The following MST1R variants were observed in gnomAD, a reference collection of about 807,000 sequenced individuals.
MST1R encodes the protein macrophage-stimulating protein receptor.
A neutral mutation model predicts 117.8 loss-of-function variants in MST1R; 99 were observed. That is an observed-to-expected ratio of 0.84 (90% CI 0.71 to 0.99). MST1R has a LOEUF of 0.99. Ranked by LOEUF, MST1R falls within the 50% of genes least tolerant of loss-of-function variation. MST1R has a pLI of 0.00. For missense variants in MST1R, 1,683 were observed against 1,840.2 expected (o/e 0.91, Z 1.56); for synonymous variants, 734 against 765.3 (o/e 0.96, Z 0.68).
rs745645623 is a variant in MST1R at position 49,902,567 on chromosome 3, C to T, written c.1043G>A (p.Gly348Glu). ...ACCATCCTTGCCAGTCACAAAGACC[C>T]CAAATAGTACTTCCTGGCCCTCGGC... Reference protein sequence around the residue: ...SIAEGQEVLFGVFVTGKDGGP... With the variant: ...SIAEGQEVLFEVFVTGKDGGP... Residue 348 changes from glycine to glutamate, a missense_variant, in exon 1 of 20, where the codon GGG (glycine) becomes GAG (glutamate). Coordinates refer to ENST00000296474, the MANE Select transcript of MST1R (RefSeq NM_002447.4). 5 of 1,613,838 alleles carry T rather than the reference C, an allele frequency of 3.1e-6. No homozygotes were observed. In the African/African-American group the frequency reaches 4.0e-5, roughly 13 times the overall value.
intron 19 of MST1R, among the ~76,000 whole-genome samples, chr3:49,888,163 G>A (rs1189053382): frequency 2.0e-5 from 3 of 152,178 alleles, no homozygotes; most frequent in South Asian, 2.1e-4. Flanking sequence ...AAAGCTGGGC[G>A]TGGTGGCTCA....
rs1208496017 is a variant in MST1R, at chr3:49,903,116, G to A, written c.494C>T (p.Ser165Leu). 2 of 1,605,088 alleles carry A rather than the reference G, an allele frequency of 1.2e-6. No individual in the cohort carries two copies. Among genetic ancestry groups the A allele is most frequent in the African/African-American group, 1.3e-5 (1 of 75,084 alleles). Residue 165 changes from serine to leucine, a missense_variant, in exon 1 of 20, where the codon TCA becomes TTA. Transcript: ENST00000296474. ...GTCATCGGGCCGGTTATGGTGGGCTGAGAAGAGGCAGGCTGGCGCTGCCAG... is the reference window on the plus strand; with the variant it reads ...GTCATCGGGCCGGTTATGGTGGGCTAAGAAGAGGCAGGCTGGCGCTGCCAG... The part of the protein sequence containing the change: ...VHLAAPACLF[S>L]AHHNRPDDCP...
chr3:49,902,269 C>T (rs2082703432), intron 1 of MST1R, 111 bp downstream of exon 1: 3 of 1,427,700 alleles, frequency 2.1e-6, no homozygotes, highest in Non-Finnish European at 2.8e-6. Flanking sequence ...ATGCTTCTTT[C>T]CGCCTGCCCC....
chr3:49,897,443 C>G, intron 6 of MST1R, 27 bp from the exon 7 acceptor site: 1 of 1,610,722 alleles, frequency 6.2e-7, no homozygotes, highest in Non-Finnish European at 8.5e-7. Context: ...GTGGCTTAGG[C>G]AGGTCCTCCA....
At chr3:49,897,918 C>G (rs1337903803) in intron 5 of MST1R, 133 bp downstream of exon 5, 2 of 1,343,768 alleles carry the variant, frequency 1.5e-6, no homozygotes, top group African/African-American at 2.9e-5. Context: ...TTTTGACTCT[C>G]AAAAAGCAGT....
At chr3:49,900,022 T>TA (rs1470130435) in intron 1 of MST1R, among the ~76,000 whole-genome samples, 1 of 152,196 alleles carries the variant, frequency 6.6e-6, no homozygotes, top group Admixed American at 6.5e-5. Context: ...TCTGACTCTC[T>TA]GTGTGCACTT....
Position 49,891,801 on chromosome 3 carries a change from G to A in MST1R, c.3309C>T (p.Asp1103=). The A allele has an allele frequency of 6.2e-7, 1 of 1,614,080 alleles. No individual in the cohort carries two copies. The highest frequency in any genetic ancestry group is 8.5e-7 in the Non-Finnish European group (1 of 1,180,016). The change falls in exon 15 of 20, where the codon GAC becomes GAT. Residue 1103 remains aspartate (D), a synonymous_variant. Transcript: ENST00000296474. ...CACATTGGATTCGATTCTGGGCCTG[G>A]TCTATGTATTCTCCGTGGTAGACAA... is the stretch of plus-strand genomic sequence containing the variant. ...FGVVYHGEYI[D]QAQNRIQCAI...
chr3:49,898,050 C>A lies in MST1R; in HGVS notation c.1880+1G>T. 4 of 1,614,074 alleles carry A rather than the reference C, an allele frequency of 2.5e-6. No homozygotes were observed. The highest frequency in any genetic ancestry group is 3.4e-6 in the Non-Finnish European group (4 of 1,180,042). On this transcript the variant is annotated splice_donor_variant, in intron 5 of 19. Coordinates refer to ENST00000296474, the MANE Select transcript of MST1R (RefSeq NM_002447.4). LOFTEE classifies it high-confidence loss of function. ...AAGGGAGGGGAGGGACCAGATTGTA[C>A]CTGAGTTTTGAGCTGTCCTTGGGCA...
At chr3:49,892,730 G>C (rs1461737058) in intron 14 of MST1R, among the ~76,000 whole-genome samples, 2 of 151,182 alleles carry the variant, frequency 1.3e-5, no homozygotes, top group African/African-American at 4.9e-5. Context: ...GGGGCGGGAG[G>C]ATCAGCTGAG....
chr3:49,892,482 G>A (rs1207687548), intron 14 of MST1R, among the ~76,000 whole-genome samples: 1 of 151,324 alleles, frequency 6.6e-6, no homozygotes, highest in East Asian at 2.0e-4. Flanking sequence ...AGCCAAGATC[G>A]TGTCACTGCA....
rs777931738 is a variant in MST1R, at chr3:49,902,552, C to T, written c.1058G>A (p.Gly353Asp). 1 of 1,614,018 alleles carries T rather than the reference C, an allele frequency of 6.2e-7. No individual in the cohort carries two copies. The highest frequency in any genetic ancestry group is 8.5e-7 in the Non-Finnish European group (1 of 1,180,040). The change falls in exon 1 of 20, where the codon GGC (glycine) becomes GAC (aspartate). Residue 353 changes from glycine to aspartate, a missense_variant. Physicochemically the swap from Gly to Asp is moderately conservative, Grantham distance 94. Transcript: ENST00000296474. ...QEVLFGVFVT[G>D]KDGGPGVGPN... Reference sequence around the variant, plus strand: ...GCCCACGCCAGGACCACCATCCTTGCCAGTCACAAAGACCCCAAATAGTAC... The same window carrying T: ...GCCCACGCCAGGACCACCATCCTTGTCAGTCACAAAGACCCCAAATAGTAC...
chr3:49,896,256 G>A lies in MST1R; in HGVS notation c.2588C>T (p.Pro863Leu), dbSNP rs1376039698. Residue 863 changes from proline to leucine, a missense_variant, in exon 10 of 20, where the codon CCC (proline) becomes CTC (leucine). Pro to Leu is a moderately conservative substitution (Grantham distance 98, BLOSUM62 -3). Transcript: ENST00000296474. ...TLPGFRFLPPPHPPSANLVPL... is the reference protein window; with the variant it reads ...TLPGFRFLPPLHPPSANLVPL... ...AACTAGGTTGGCACTGGGTGGATGGGGTGGGGGTAGGAAGCGAAAGCCAGG... is the reference window on the plus strand; with the variant it reads ...AACTAGGTTGGCACTGGGTGGATGGAGTGGGGGTAGGAAGCGAAAGCCAGG... The A allele has an allele frequency of 1.2e-6, 2 of 1,614,060 alleles. No individual in the cohort carries two copies. Among genetic ancestry groups the A allele is most frequent in the African/African-American group, 1.3e-5 (1 of 74,918 alleles).
intron 3 of MST1R, 88 bp from the exon 4 acceptor site, chr3:49,898,776 G>C: frequency 6.2e-7 from 1 of 1,604,904 alleles, no homozygotes; most frequent in Non-Finnish European, 8.5e-7. Context: ...GGCTAGGGTG[G>C]TAGGGCCTGT....
At chr3:49,891,369 C>G (rs779537718) in intron 16 of MST1R, 30 bp downstream of exon 16, 6 of 1,613,598 alleles carry the variant, frequency 3.7e-6, no homozygotes, top group Non-Finnish European at 5.1e-6. Flanking sequence ...TGCTGCCCAG[C>G]CCCCAACCCA....
intron 4 of MST1R, 53 bp downstream of exon 4, chr3:49,898,464 AC>A: frequency 6.3e-7 from 1 of 1,580,958 alleles, no homozygotes; most frequent in Non-Finnish European, 8.6e-7. Context: ...GCTGACCACC[AC>A]CCCAGGCCCA....
At chr3:49,897,251 G>T (rs1231544691) in intron 7 of MST1R, 29 bp downstream of exon 7, 2 of 1,577,660 alleles carry the variant, frequency 1.3e-6, no homozygotes, top group Non-Finnish European at 1.7e-6. Context: ...GAACCCTGCG[G>T]CCTCCCATGC....
In MST1R at chr3:49,891,232, C is replaced by T. The variant is rs1298334804; in HGVS notation, c.3609G>A (p.Lys1203=). 9 of 1,614,148 alleles carry T rather than the reference C, an allele frequency of 5.6e-6. No homozygotes were observed. Among genetic ancestry groups the T allele is most frequent in the Non-Finnish European group, 7.6e-6 (9 of 1,180,040 alleles). The change falls in exon 17 of 20, where the codon AAG becomes AAA. Residue 1203 remains lysine (K), a synonymous_variant. Coordinates refer to ENST00000296474, the MANE Select transcript of MST1R (RefSeq NM_002447.4). ...GCGCAGCCAGGTCCCTGTGCACAAA[C>T]TTCTGCTCTGCCAGGTACTCCATGC... is the stretch of plus-strand genomic sequence containing the variant. The part of the protein sequence containing the change: ...ARGMEYLAEQ[K]FVHRDLAARN...
intron 4 of MST1R, 92 bp from the exon 5 acceptor site, chr3:49,898,303 C>G: frequency 6.5e-7 from 1 of 1,533,764 alleles, no homozygotes; most frequent in Admixed American, 1.7e-5. Context: ...TACCCCTTGC[C>G]TTCCCCACGC....
At position 49,902,578 on chromosome 3, in the gene MST1R, TTCCTGGCCC is replaced by T; in HGVS notation, c.1023_1031del (p.Gly342_Glu344del). 1 of 1,613,810 alleles carries T rather than the reference TTCCTGGCCC, an allele frequency of 6.2e-7. No individual in the cohort carries two copies. Among genetic ancestry groups the T allele is most frequent in the Non-Finnish European group, 8.5e-7 (1 of 1,180,028 alleles). ...CAGTCACAAAGACCCCAAATAGTAC[TTCCTGGCCC>T]TCGGCGATGCTCAGCTCAGTGGCAA... On this transcript the variant is annotated inframe_deletion, in exon 1 of 20. Coordinates refer to ENST00000296474, the MANE Select transcript of MST1R (RefSeq NM_002447.4).
Sources: allele counts gnomAD v4.1 joint callset (sites outside exome capture counted in the v4.1 genomes callset), GRCh38; gene constraint gnomAD v4.1.1; transcripts MANE v1.5; gene names NCBI Gene and HGNC (gene_info 2026-07-23, HGNC 2026-07-21).